Variants in FAM83B observed in about 807,000 individuals in gnomAD.
FAM83B encodes protein FAM83B.
In FAM83B, 26 loss-of-function variants were observed where a neutral mutation model predicts 38.8. The observed-to-expected ratio is 0.67, with a 90% CI of 0.49 to 0.93. The LOEUF (loss-of-function observed/expected upper bound fraction) is 0.93. FAM83B is among the 40% of genes least tolerant of loss of function. FAM83B has a pLI of 0.00. For synonymous variants in FAM83B, 419 were observed against 423.1 expected (o/e 0.99, Z 0.12); for missense variants, 1,237 against 1,197.3 (o/e 1.03, Z -0.49).
In FAM83B at chr6:54,870,572, C is replaced by G. The variant is rs377045815; in HGVS notation, c.326C>G (p.Pro109Arg). The change falls in exon 2 of 5, where the codon CCA (proline) becomes CGA (arginine). Residue 109 changes from proline (P) to arginine (R), a missense_variant. Transcript: ENST00000306858. ...GCTCCAAATCTTGACTTAGGCTGGC[C>G]ATATGTGATGCCCGGACTCTTAGGG... ...VEAPNLDLGWPYVMPGLLGGT... is the reference protein window; with the variant it reads ...VEAPNLDLGWRYVMPGLLGGT... The G allele has an allele frequency of 4.3e-6, 7 of 1,613,802 alleles. No individual in the cohort carries two copies. The African/African-American group carries it at 8.0e-5, about 18-fold the overall frequency.
intron 2 of FAM83B, among the ~76,000 whole-genome samples, chr6:54,913,270 C>G (rs1051153616): frequency 2.0e-5 from 3 of 152,092 alleles, no homozygotes; most frequent in African/African-American, 7.2e-5. Context: ...CCAATCTTCT[C>G]TTTACATGTG....
Position 54,944,791 on chromosome 6 carries a change from T to C in FAM83B, c.*2784T>C, listed in dbSNP as rs9475078. ...ATTGACTATATATGTGACATGTACGTTGCTGTTTTTTTTAAAATAACTTTA... is the reference window on the plus strand; with the variant it reads ...ATTGACTATATATGTGACATGTACGCTGCTGTTTTTTTTAAAATAACTTTA... On this transcript the variant is annotated 3_prime_UTR_variant, in exon 5 of 5. Transcript: ENST00000306858. 6.6e-6 allele frequency: 1 copy of C among 152,098 alleles called. No individual in the cohort carries two copies. The highest frequency in any genetic ancestry group is 2.1e-4 in the South Asian group (1 of 4,822). 9.4% of individuals were successfully genotyped at this position (152,098 alleles called of 1,614,324 possible). A position where few individuals can be genotyped will look rare whatever the true frequency, so the allele number is the denominator to read the frequency against.
intron 2 of FAM83B, among the ~76,000 whole-genome samples, chr6:54,899,344 G>GAT (rs1339725303): frequency 6.6e-6 from 1 of 152,140 alleles, no homozygotes; most frequent in South Asian, 2.1e-4. Context: ...TTTGCATTGA[G>GAT]ATTTTAGGAT....
chr6:54,876,928 C>T (rs567929565), intron 2 of FAM83B, among the ~76,000 whole-genome samples: 1 of 152,056 alleles, frequency 6.6e-6, no homozygotes, highest in African/African-American at 2.4e-5. Context: ...AAAATAAAAA[C>T]CAAACAGTTA....
rs34327080 is a variant in FAM83B, at chr6:54,920,039, G to C, written c.445-6332G>C. ...GAGAAATTATTAATACATCCATAAT[G>C]TAAAGCTGTAAGTTACTAAGCAATA... On this transcript the variant is annotated intron_variant, in intron 2 of 4. Transcript: ENST00000306858. Among the ~76,000 whole-genome samples, 929 of 151,964 alleles carry C rather than the reference G, an allele frequency of 6.1e-3. 6 individuals carry two copies. The highest frequency in any genetic ancestry group is 0.024 in the Middle Eastern group (7 of 294).
intron 4 of FAM83B, among the ~76,000 whole-genome samples, chr6:54,937,585 C>T (rs1280151868): frequency 6.6e-6 from 1 of 152,008 alleles, no homozygotes; most frequent in African/African-American, 2.4e-5. Flanking sequence ...AATTTACCGA[C>T]TCTTAAAATA....
intron 2 of FAM83B, among the ~76,000 whole-genome samples, chr6:54,884,590 G>A (rs1308431390): frequency 6.6e-6 from 1 of 151,854 alleles, no homozygotes; most frequent in Admixed American, 6.6e-5. Context: ...GTGAGGCCAG[G>A]GTCCATTTTG....
intron 2 of FAM83B, among the ~76,000 whole-genome samples, chr6:54,880,347 A>G (rs779658537): frequency 1.3e-5 from 2 of 152,220 alleles, no homozygotes; most frequent in African/African-American, 4.8e-5. Flanking sequence ...TTGAAATTTT[A>G]AAGTAGCAAA....
Position 54,934,792 on chromosome 6 carries a change from A to G in FAM83B, c.735-4914A>G, listed in dbSNP as rs187824605. 3.9e-3 allele frequency among the ~76,000 whole-genome samples: 589 copies of G among 152,222 alleles called. 4 individuals carry two copies. Among genetic ancestry groups the G allele is most frequent in the Middle Eastern group, 0.014 (4 of 294 alleles). ...CCAACTGCTCTATATGAGACTTTCA[A>G]TCAATCTTCCTGTTTCTCTATTTTC... On this transcript the variant is annotated intron_variant, in intron 4 of 4. Coordinates refer to ENST00000306858, the MANE Select transcript of FAM83B (RefSeq NM_001010872.3).
At chr6:54,847,089 G>A (rs1237674125) in intron 1 of FAM83B, among the ~76,000 whole-genome samples, 1 of 152,160 alleles carries the variant, frequency 6.6e-6, no homozygotes, top group Non-Finnish European at 1.5e-5. Context: ...AGTTTGAAAA[G>A]TTGTCTCGGG....
chr6:54,899,075 C>T (rs1203653206), intron 2 of FAM83B, among the ~76,000 whole-genome samples: 1 of 152,112 alleles, frequency 6.6e-6, no homozygotes, highest in Non-Finnish European at 1.5e-5. Context: ...GAGATAGGAA[C>T]CGTACTTTCC....
chr6:54,915,311 A>G (rs1773008236), intron 2 of FAM83B, among the ~76,000 whole-genome samples: 1 of 152,174 alleles, frequency 6.6e-6, no homozygotes, highest in African/African-American at 2.4e-5. Context: ...GTAATTCTCC[A>G]TGTAATTTAG....
intron 4 of FAM83B, among the ~76,000 whole-genome samples, chr6:54,932,432 C>T (rs188385147): frequency 2.0e-4 from 31 of 152,282 alleles, no homozygotes; most frequent in Middle Eastern, 6.8e-3. Flanking sequence ...CTCCAAATTA[C>T]GTATTTATGT....
rs967073912 is a variant in FAM83B at position 54,847,622 on chromosome 6, A to G, written c.-61+796A>G. Among the ~76,000 whole-genome samples, 18 of 140,902 alleles carry G rather than the reference A, an allele frequency of 1.3e-4. No individual in the cohort carries two copies. In the South Asian group the frequency reaches 3.0e-3, roughly 24 times the overall value. The allele number at this position is 140,902 out of a possible 152,430, so 92.4% of individuals were successfully genotyped here. A position where few individuals can be genotyped will look rare whatever the true frequency, so the allele number is the denominator to read the frequency against. On this transcript the variant is annotated intron_variant, in intron 1 of 4. Transcript: ENST00000306858. ...AGACTTTTGGCCTATTCTGTGTGAT[A>G]TGTGGGGAGACTTACCTGTGTAAGG...
At chr6:54,848,176 A>G (rs1771186026) in intron 1 of FAM83B, among the ~76,000 whole-genome samples, 1 of 152,144 alleles carries the variant, frequency 6.6e-6, no homozygotes, top group Non-Finnish European at 1.5e-5. Context: ...GAATGATGGA[A>G]GGTTGGGAGT....
intron 2 of FAM83B, among the ~76,000 whole-genome samples, chr6:54,883,764 G>GT (rs35604389): frequency 0.056 from 8,425 of 149,426 alleles, 726 homozygotes; most frequent in African/African-American, 0.19. Context: ...TCTGATAATG[G>GT]TTTTTTTTTT....
chr6:54,929,022 A>ATTC (rs1773368653), intron 4 of FAM83B, among the ~76,000 whole-genome samples: 1 of 152,156 alleles, frequency 6.6e-6, no homozygotes, highest in African/African-American at 2.4e-5. Flanking sequence ...TATGATAGTA[A>ATTC]CTGTAGAATT....
upstream of FAM83B, among the ~76,000 whole-genome samples, chr6:54,846,565 C>A (rs369952089): frequency 1.3e-5 from 2 of 152,196 alleles, no homozygotes; most frequent in Non-Finnish European, 2.9e-5. Context: ...AGGTTCCGAG[C>A]GCTTTCTGGC....
At chr6:54,887,517 C>T in intron 2 of FAM83B, among the ~76,000 whole-genome samples, 1 of 152,018 alleles carries the variant, frequency 6.6e-6, no homozygotes, top group Non-Finnish European at 1.5e-5. Flanking sequence ...CTTATTTTCA[C>T]TTTGGTTTTT....
Sources: allele counts gnomAD v4.1 joint callset (sites outside exome capture counted in the v4.1 genomes callset), GRCh38; gene constraint gnomAD v4.1.1; transcripts MANE v1.5; gene names NCBI Gene and HGNC (gene_info 2026-07-23, HGNC 2026-07-21).